Variants in MED26 observed in about 807,000 individuals in gnomAD.
MED26 encodes the protein mediator of RNA polymerase II transcription subunit 26.
Under a neutral mutation model 43.7 loss-of-function variants are expected in MED26, and 7 were observed. The observed-to-expected ratio is 0.16, with a 90% CI of 0.09 to 0.30. MED26 has a LOEUF of 0.30. MED26 is among the 10% of genes least tolerant of loss of function. The pLI is 1.00. For synonymous variants in MED26, 375 were observed against 371.1 expected, an observed-to-expected ratio of 1.01 and a Z score of -0.12; for missense variants, 784 against 840.6, an observed-to-expected ratio of 0.93 and a Z score of 0.83.
rs758817115 is a variant in MED26, at chr19:16,576,537, C to T, written c.1293G>A (p.Thr431=). 84 of 1,614,080 alleles carry T rather than the reference C, an allele frequency of 5.2e-5. No homozygotes were observed. The highest frequency in any genetic ancestry group is 3.3e-4 in the Middle Eastern group (2 of 6,084). Residue 431 remains threonine, a synonymous_variant, in exon 3 of 3, where the codon ACG becomes ACA. Transcript: ENST00000263390. The surrounding 1 kb of genome is among the most constrained non-coding windows in gnomAD (Gnocchi z 6.8). ...TCTGGGTCAGAGGTTTGATCTGTCT[C>T]GTCATGGGGTCAAAGGTGAGCTTCC... ...KERKLTFDPM[T]RQIKPLTQKE... is the part of the protein sequence containing the mutation.
intron 1 of MED26, among the ~76,000 whole-genome samples, chr19:16,622,743 A>T (rs114242304): frequency 2.6e-5 from 4 of 152,342 alleles, no homozygotes; most frequent in African/African-American, 9.6e-5. Context: ...CACTAGGAAT[A>T]CAAAGGAAAA....
intron 1 of MED26, among the ~76,000 whole-genome samples, chr19:16,614,616 G>A (rs1261090509): frequency 6.6e-6 from 1 of 152,150 alleles, no homozygotes; most frequent in African/African-American, 2.4e-5. Context: ...AGGCTCATGT[G>A]GGCCTGAGGG....
At position 16,576,191 on chromosome 19, in the gene MED26, C is replaced by A; in HGVS notation, c.1639G>T (p.Val547Phe). Residue 547 changes from valine to phenylalanine, a missense_variant, in exon 3 of 3, where the codon GTC (valine) becomes TTC (phenylalanine). Val to Phe is a conservative substitution (Grantham distance 50). This residue lies in a region of MED26 where 719 missense variants were observed against 730.9 expected (regional missense o/e 0.98). Coordinates refer to ENST00000263390, the MANE Select transcript of MED26 (RefSeq NM_004831.5). This position sits in a 1 kb window ranked among gnomAD's most constrained non-coding sequence, Gnocchi z 6.8. ...PTDLPGLTRE[V>F]TQDDLDRIQA... is the part of the protein sequence containing the mutation. ...ATTCTGTCGAGATCGTCCTGTGTGA[C>A]CTCCCGGGTCAGACCAGGGAGGTCC... is the stretch of plus-strand genomic sequence containing the variant. The A allele has an allele frequency of 6.2e-7, 1 of 1,612,990 alleles. No individual in the cohort carries two copies. The highest frequency in any genetic ancestry group is 8.5e-7 in the Non-Finnish European group (1 of 1,180,012).
At chr19:16,584,922 A>C (rs766257240) in intron 1 of MED26, among the ~76,000 whole-genome samples, 1 of 152,234 alleles carries the variant, frequency 6.6e-6, no homozygotes, top group Non-Finnish European at 1.5e-5. Context: ...CTAAAGGGGA[A>C]GTGAGCAAAT....
At chr19:16,591,124 A>G (rs1211883959) in intron 1 of MED26, among the ~76,000 whole-genome samples, 1 of 152,104 alleles carries the variant, frequency 6.6e-6, no homozygotes, top group Non-Finnish European at 1.5e-5. Context: ...ATGGAGGCAG[A>G]CAGATGCAGC....
At chr19:16,601,420 G>A (rs1302490464) in intron 1 of MED26, among the ~76,000 whole-genome samples, 2 of 152,150 alleles carry the variant, frequency 1.3e-5, no homozygotes, top group African/African-American at 4.8e-5. Flanking sequence ...CTCCCAAAGT[G>A]TTGGGATTAC....
At chr19:16,625,674 C>A (rs2086271405) in intron 1 of MED26, among the ~76,000 whole-genome samples, 1 of 152,172 alleles carries the variant, frequency 6.6e-6, no homozygotes, top group Non-Finnish European at 1.5e-5. Context: ...CTGCTCTCAC[C>A]TGAGCCCACA....
chr19:16,591,941 G>A (rs962166593), intron 1 of MED26, among the ~76,000 whole-genome samples: 13 of 152,248 alleles, frequency 8.5e-5, no homozygotes, highest in South Asian at 2.1e-4. Flanking sequence ...TCAACAGCAC[G>A]GGCATCACCA....
chr19:16,605,076 G>A (rs1299869249), intron 1 of MED26, among the ~76,000 whole-genome samples: 2 of 152,160 alleles, frequency 1.3e-5, no homozygotes, highest in Non-Finnish European at 2.9e-5. Context: ...TTTAAGTTAC[G>A]GAAATATTCT....
intron 1 of MED26, among the ~76,000 whole-genome samples, chr19:16,607,228 G>A (rs770013110): frequency 2.6e-5 from 4 of 151,884 alleles, no homozygotes; most frequent in Non-Finnish European, 5.9e-5. Flanking sequence ...AAAGTTAGCC[G>A]GGTGTGGTGG....
intron 1 of MED26, among the ~76,000 whole-genome samples, chr19:16,623,142 T>A (rs912173984): frequency 6.6e-5 from 10 of 151,904 alleles, no homozygotes; most frequent in Admixed American, 3.9e-4. Flanking sequence ...GAGGAGAGAC[T>A]GTAAAGTCCA....
At chr19:16,627,768 G>A (rs995496265) in intron 1 of MED26, 104 bp downstream of exon 1, 3 of 767,900 alleles carry the variant, frequency 3.9e-6, no homozygotes, top group Non-Finnish European at 3.7e-6. Flanking sequence ...GGGGAGGTGG[G>A]CGCCAGACGG....
chr19:16,591,482 G>GA, intron 1 of MED26, among the ~76,000 whole-genome samples: 1 of 152,258 alleles, frequency 6.6e-6, no homozygotes, highest in Middle Eastern at 3.4e-3. Context: ...TGTAGCTTTG[G>GA]AAAAAAGCTG....
intron 1 of MED26, among the ~76,000 whole-genome samples, chr19:16,605,767 C>T (rs531294521): frequency 1.3e-4 from 20 of 152,192 alleles, no homozygotes; most frequent in Non-Finnish European, 2.9e-4. Context: ...AGGGGACTGA[C>T]AGGCAGACTC....
rs1027596920 is a variant in MED26 at position 16,586,332 on chromosome 19, A to T, written c.73-7923T>A. Among the ~76,000 whole-genome samples, 1 of 152,236 alleles carries T rather than the reference A, an allele frequency of 6.6e-6. No individual in the cohort carries two copies. Among genetic ancestry groups the T allele is most frequent in the Non-Finnish European group, 1.5e-5 (1 of 68,028 alleles). On this transcript the variant is annotated intron_variant, in intron 1 of 2. Coordinates refer to ENST00000263390, the MANE Select transcript of MED26 (RefSeq NM_004831.5). The surrounding 1 kb of genome is among the most constrained non-coding windows in gnomAD (Gnocchi z 5.1). Reference sequence around the variant, plus strand: ...GTCCCGGGTAGACCACACAGCTAGAAGATGGTGAGGCCTGGCCTTCCACTA... The same window carrying T: ...GTCCCGGGTAGACCACACAGCTAGATGATGGTGAGGCCTGGCCTTCCACTA...
intron 1 of MED26, chr19:16,611,101 G>A (rs2086197474): frequency 6.6e-6 from 1 of 152,438 alleles, no homozygotes; most frequent in Non-Finnish European, 1.5e-5. Context: ...AGGACCAAGA[G>A]GGAAATGGCC....
At chr19:16,610,019 G>A (rs1459656355) in intron 1 of MED26, among the ~76,000 whole-genome samples, 1 of 148,390 alleles carries the variant, frequency 6.7e-6, no homozygotes, top group Non-Finnish European at 1.5e-5. Context: ...GCTCACACAT[G>A]TAACCCCAAC....
intron 1 of MED26, among the ~76,000 whole-genome samples, chr19:16,627,608 G>A (rs1293107507): frequency 1.3e-5 from 2 of 152,226 alleles, no homozygotes; most frequent in African/African-American, 2.4e-5. Context: ...CAGAAAGGGA[G>A]GAAAAACTCT....
chr19:16,591,883 C>T (rs1033937987), intron 1 of MED26, among the ~76,000 whole-genome samples: 3 of 152,176 alleles, frequency 2.0e-5, no homozygotes, highest in Non-Finnish European at 2.9e-5. Context: ...TGACTTTCCC[C>T]GCTAGAGAGC....
Sources: gnomAD v4.1 joint callset for allele counts (sites outside exome capture counted in the v4.1 genomes callset) on GRCh38, gnomAD v4.1.1 for gene constraint, gnomAD v4.1.1 regional missense constraint, Gnocchi (gnomAD v3.1) non-coding constraint, MANE v1.5 for transcripts, NCBI Gene and HGNC (gene_info 2026-07-23, HGNC 2026-07-21) for gene names.